SH2B3: variants seen among roughly 807,000 people sequenced by gnomAD.
The protein encoded by SH2B3 is SH2B adaptor protein 3.
In SH2B3, 43 loss-of-function variants were observed where a neutral mutation model predicts 51.9. The ratio of observed to expected loss-of-function variants is 0.83; its 90% CI spans 0.65 to 1.07. The LOEUF is 1.07. SH2B3 is among the 50% of genes least tolerant of loss of function. The probability of loss-of-function intolerance (pLI) is 0.00; values close to 1 mark genes in which losing one functional copy is unlikely to be tolerated. For synonymous variants in SH2B3, 396 were observed against 376.0 expected (o/e 1.05, Z -0.62); for missense variants, 952 against 834.3 (o/e 1.14, Z -1.74).
At chr12:111,428,809 G>A (rs919987052) in intron 2 of SH2B3, among the ~76,000 whole-genome samples, 2 of 152,120 alleles carry the variant, frequency 1.3e-5, no homozygotes, top group Non-Finnish European at 2.9e-5. Context: ...CGTCCTTGCC[G>A]TGATTCTTCC....
At chr12:111,415,523 T>G (rs565075748) in intron 1 of SH2B3, among the ~76,000 whole-genome samples, 1 of 152,342 alleles carries the variant, frequency 6.6e-6, no homozygotes, top group South Asian at 2.1e-4. Context: ...CCCCTGTCAG[T>G]GCAGGAAATC....
chr12:111,418,535 C>T lies in SH2B3; in HGVS notation c.390C>T (p.Pro130=), dbSNP rs759131334. Residue 130 remains proline (P), a synonymous_variant, in exon 2 of 8, where the codon CCC becomes CCT. Coordinates refer to ENST00000341259, the MANE Select transcript of SH2B3 (RefSeq NM_005475.3). This position sits in a 1 kb window ranked among gnomAD's most constrained non-coding sequence, Gnocchi z 6.7. ...SSEELAPPRP[P]GPCSFQHFRR... Reference sequence around the variant, plus strand: ...AGGAGCTGGCCCCGCCGCGGCCGCCCGGGCCCTGCTCCTTCCAGCACTTTC... The same window carrying T: ...AGGAGCTGGCCCCGCCGCGGCCGCCTGGGCCCTGCTCCTTCCAGCACTTTC... 13 of 1,428,240 alleles carry T rather than the reference C, an allele frequency of 9.1e-6. No individual in the cohort carries two copies. In the Admixed American group the frequency reaches 1.6e-4, roughly 17 times the overall value. 88.5% of individuals were successfully genotyped at this position (1,428,240 alleles called of 1,614,324 possible).
At chr12:111,415,336 G>A (rs1292905688) in intron 1 of SH2B3, among the ~76,000 whole-genome samples, 1 of 152,188 alleles carries the variant, frequency 6.6e-6, no homozygotes, top group African/African-American at 2.4e-5. Flanking sequence ...AGGGTCAGGA[G>A]GAAGGAAGGA....
rs1309532414 is a variant in SH2B3, at chr12:111,429,316, G to A, written c.732+10439G>A. On this transcript the variant is annotated intron_variant, in intron 2 of 7. Coordinates refer to ENST00000341259, the MANE Select transcript of SH2B3 (RefSeq NM_005475.3). This position sits in a 1 kb window ranked among gnomAD's most constrained non-coding sequence, Gnocchi z 4.4. ...GGCTTTGCTGCTGCAGGCATCACTGGCGTTGTCATTTTTATTTATTATTTA... is the reference window on the plus strand; with the variant it reads ...GGCTTTGCTGCTGCAGGCATCACTGACGTTGTCATTTTTATTTATTATTTA... Among the ~76,000 whole-genome samples, 1 of 152,182 alleles carries A rather than the reference G, an allele frequency of 6.6e-6. No homozygotes were observed. The highest frequency in any genetic ancestry group is 6.5e-5 in the Admixed American group (1 of 15,276).
In SH2B3 at chr12:111,451,531, T is replaced by G; in HGVS notation, c.*3229T>G. 6.5e-6 allele frequency: 1 copy of G among 152,814 alleles called. No individual in the cohort carries two copies. Among genetic ancestry groups the G allele is most frequent in the East Asian group, 1.9e-4 (1 of 5,192 alleles). 9.5% of individuals were successfully genotyped at this position (152,814 alleles called of 1,614,324 possible). On this transcript the variant is annotated 3_prime_UTR_variant, in exon 8 of 8. Coordinates refer to ENST00000341259, the MANE Select transcript of SH2B3 (RefSeq NM_005475.3). ...TGGCAAATTTTTATGTATTGTTTTA[T>G]GTACTGTACAAGTAACTTATTCTTG...
Position 111,451,161 on chromosome 12 carries a change from C to G in SH2B3, c.*2859C>G, listed in dbSNP as rs900187649. 6.6e-6 allele frequency: 1 copy of G among 152,658 alleles called. No individual in the cohort carries two copies. The highest frequency in any genetic ancestry group is 2.4e-5 in the African/African-American group (1 of 41,464). 9.5% of individuals were successfully genotyped at this position (152,658 alleles called of 1,614,324 possible). On this transcript the variant is annotated 3_prime_UTR_variant, in exon 8 of 8. Transcript: ENST00000341259. The stretch of plus-strand genomic sequence containing the variant: ...AGACCAGCAATCCATATGGCTTTAT[C>G]TGGTATAAATCTTCTGCCTTTGATC...
chr12:111,428,323 G>A (rs1010892782), intron 2 of SH2B3, among the ~76,000 whole-genome samples: 2 of 152,192 alleles, frequency 1.3e-5, no homozygotes, highest in African/African-American at 4.8e-5. Flanking sequence ...TGAGCCCCCC[G>A]CTGCATCACA....
intron 2 of SH2B3, among the ~76,000 whole-genome samples, chr12:111,432,141 T>G (rs1484604386): frequency 6.8e-6 from 1 of 148,128 alleles, no homozygotes; most frequent in Non-Finnish European, 1.5e-5. Flanking sequence ...TTTTTCCACC[T>G]CCTAGGTTCA....
At chr12:111,432,149 T>C (rs1872542045) in intron 2 of SH2B3, among the ~76,000 whole-genome samples, 1 of 150,984 alleles carries the variant, frequency 6.6e-6, no homozygotes, top group South Asian at 2.1e-4. Context: ...CCTCCTAGGT[T>C]CAAGCGATTC....
At chr12:111,432,709 T>A (rs1401943095) in intron 2 of SH2B3, among the ~76,000 whole-genome samples, 1 of 152,222 alleles carries the variant, frequency 6.6e-6, no homozygotes, top group Non-Finnish European at 1.5e-5. Flanking sequence ...TCATCTCTTT[T>A]CTGTCTCCAG....
Position 111,418,634 on chromosome 12 carries a change from C to G in SH2B3, c.489C>G (p.Pro163=). ...CAGCGGCCCACACCGCTGCCGCCCC[C>G]GGGACCCCCGGAGAGGCTGCTGAGA... ...ELPAAHTAAA[P]GTPGEAAETP... is the part of the protein sequence containing the mutation. Residue 163 remains proline (P), a synonymous_variant, in exon 2 of 8, where the codon CCC becomes CCG. Coordinates refer to ENST00000341259, the MANE Select transcript of SH2B3 (RefSeq NM_005475.3). The surrounding 1 kb of genome is among the most constrained non-coding windows in gnomAD (Gnocchi z 6.7). The G allele has an allele frequency of 6.8e-7, 1 of 1,472,194 alleles. No individual in the cohort carries two copies. 91.2% of individuals were successfully genotyped at this position (1,472,194 alleles called of 1,614,324 possible). A position where few individuals can be genotyped will look rare whatever the true frequency, so the allele number is the denominator to read the frequency against.
chr12:111,422,244 C>T (rs1871619316), intron 2 of SH2B3, among the ~76,000 whole-genome samples: 1 of 152,104 alleles, frequency 6.6e-6, no homozygotes, highest in African/African-American at 2.4e-5. Context: ...CCACACCCAG[C>T]TGATTTTTGT....
rs1052217472 is a variant in SH2B3, at chr12:111,430,924, T to A, written c.732+12047T>A. On this transcript the variant is annotated intron_variant, in intron 2 of 7. Transcript: ENST00000341259. ...GCTGCTCCCCACAGCAACCCCTGGC[T>A]GGCCCCATTGGCGCTGCTGGAAATC... Among the ~76,000 whole-genome samples the A allele has an allele frequency of 5.9e-5, 9 of 151,330 alleles. 1 individual carries two copies. Among genetic ancestry groups the A allele is most frequent in the Admixed American group, 4.6e-4 (7 of 15,214 alleles).
upstream of SH2B3, among the ~76,000 whole-genome samples, chr12:111,405,090 T>C (rs1166007426): frequency 6.6e-6 from 1 of 152,142 alleles, no homozygotes; most frequent in East Asian, 1.9e-4. This position sits in a 1 kb window ranked among gnomAD's most constrained non-coding sequence, Gnocchi z 5.4. Context: ...AACCCCACTG[T>C]CCGTCTCAGC....
At chr12:111,414,063 C>T (rs565081401) in intron 1 of SH2B3, among the ~76,000 whole-genome samples, 13 of 152,322 alleles carry the variant, frequency 8.5e-5, no homozygotes, top group African/African-American at 2.9e-4. Flanking sequence ...ACGAGGGCAG[C>T]GCCTGTCTCA....
intron 1 of SH2B3, among the ~76,000 whole-genome samples, chr12:111,414,449 A>G (rs991290326): frequency 1.3e-5 from 2 of 151,762 alleles, no homozygotes; most frequent in Non-Finnish European, 2.9e-5. Flanking sequence ...AAAATTAACC[A>G]GGTGTCGTGG....
chr12:111,448,322 C>T lies in SH2B3; in HGVS notation c.*20C>T. The T allele has an allele frequency of 6.4e-7, 1 of 1,555,750 alleles. No homozygotes were observed. The highest frequency in any genetic ancestry group is 1.1e-5 in the South Asian group (1 of 87,140). ...CTCTGACCAGTGAGGAATTCCAGGC[C>T]TCAACAGCTGCCCTTGAGGAGCACA... is the stretch of plus-strand genomic sequence containing the variant. On this transcript the variant is annotated 3_prime_UTR_variant, in exon 8 of 8. Coordinates refer to ENST00000341259, the MANE Select transcript of SH2B3 (RefSeq NM_005475.3).
At chr12:111,424,056 G>A (rs1220260817) in intron 2 of SH2B3, among the ~76,000 whole-genome samples, 1 of 152,232 alleles carries the variant, frequency 6.6e-6, no homozygotes, top group African/African-American at 2.4e-5. Flanking sequence ...AGGTTGCAGT[G>A]AGCTGAGATC....
In SH2B3 at chr12:111,429,707, C is replaced by T. The variant is rs1310431452; in HGVS notation, c.732+10830C>T. 2.6e-5 allele frequency among the ~76,000 whole-genome samples: 4 copies of T among 152,152 alleles called. No homozygotes were observed. Among genetic ancestry groups the T allele is most frequent in the East Asian group, 1.9e-4 (1 of 5,196 alleles). On this transcript the variant is annotated intron_variant, in intron 2 of 7. Coordinates refer to ENST00000341259, the MANE Select transcript of SH2B3 (RefSeq NM_005475.3). The surrounding 1 kb of genome is among the most constrained non-coding windows in gnomAD (Gnocchi z 4.4). ...CCCATGGAATCCTTATCACAAACCC[C>T]GGAGGTGGGGACAGTGATGAAGCCA...
Sources: gnomAD v4.1 joint callset for allele counts (sites outside exome capture counted in the v4.1 genomes callset) on GRCh38, gnomAD v4.1.1 for gene constraint, Gnocchi (gnomAD v3.1) non-coding constraint, MANE v1.5 for transcripts, NCBI Gene and HGNC (gene_info 2026-07-23, HGNC 2026-07-21) for gene names.